RP1: variants seen among roughly 807,000 people sequenced by gnomAD.
RP1 encodes the protein RP1 axonemal microtubule associated, also known as oxygen-regulated protein 1.
A neutral mutation model predicts 14.8 loss-of-function variants in RP1; 16 were observed. The observed-to-expected ratio is 1.08, with a 90% CI of 0.73 to 1.65. The LOEUF (loss-of-function observed/expected upper bound fraction) is 1.65, where lower values mean the gene tolerates loss of function less well. Among genes scored for constraint, RP1 ranks in the 40% most tolerant of loss-of-function variants. The pLI, the probability that RP1 is intolerant of heterozygous loss-of-function variation, is 0.00. For missense variants in RP1, 2,631 were observed against 2,535.0 expected (o/e 1.04, Z -0.81); for synonymous variants, 876 against 883.6 (o/e 0.99, Z 0.15).
intron 3 of RP1, among the ~76,000 whole-genome samples, chr8:54,648,627 A>G (rs1023848948): frequency 3.9e-5 from 6 of 152,160 alleles, no homozygotes; most frequent in Admixed American, 1.3e-4. Flanking sequence ...CACATGTTAC[A>G]TGCCAGAGCT....
intron 28 of RP1, among the ~76,000 whole-genome samples, chr8:54,868,505 G>C (rs1177472064): frequency 6.6e-6 from 1 of 152,122 alleles, no homozygotes; most frequent in Non-Finnish European, 1.5e-5. Flanking sequence ...TTGACAGATG[G>C]GCAAACTGTG....
chr8:54,803,262 T>C (rs1382052768), intron 24 of RP1, among the ~76,000 whole-genome samples: 1 of 152,220 alleles, frequency 6.6e-6, no homozygotes, highest in Non-Finnish European at 1.5e-5. Flanking sequence ...TATGAACATG[T>C]TCCTCACTGT....
intron 26 of RP1, among the ~76,000 whole-genome samples, chr8:54,854,592 C>T (rs979409511): frequency 3.3e-5 from 5 of 152,144 alleles, no homozygotes; most frequent in African/African-American, 7.2e-5. Context: ...GGGCTGGGCA[C>T]AGTAGCTAAT....
intron 1 of RP1, among the ~76,000 whole-genome samples, chr8:54,583,164 G>A (rs1268968516): frequency 6.6e-6 from 1 of 152,190 alleles, no homozygotes; most frequent in Non-Finnish European, 1.5e-5. Flanking sequence ...ATTATTTTGA[G>A]ATACGTCCTA....
At chr8:54,652,293 T>C (rs1259698079) in intron 4 of RP1, among the ~76,000 whole-genome samples, 1 of 152,218 alleles carries the variant, frequency 6.6e-6, no homozygotes, top group East Asian at 1.9e-4. Context: ...TCAGTTTGCC[T>C]TATAATACTG....
rs756252290 is a variant in RP1, at chr8:54,627,870, G to A, written c.3988G>A (p.Asp1330Asn). ...TACCTATGAGGGAGCTTGCCCAATT[G>A]ATGAGACCTACGTTCCTGTCAATGT... ...NHTYEGACPI[D>N]ETYVPVNVCN... The change falls in exon 4 of 4, where the codon GAT becomes AAT. Residue 1330 changes from aspartate (D) to asparagine (N), a missense_variant. Coordinates refer to ENST00000220676, the MANE Select transcript of RP1 (RefSeq NM_006269.2). The A allele has an allele frequency of 6.2e-7, 1 of 1,614,120 alleles. No individual in the cohort carries two copies. The highest frequency in any genetic ancestry group is 1.1e-5 in the South Asian group (1 of 91,086).
intron 24 of RP1, among the ~76,000 whole-genome samples, chr8:54,804,221 A>G (rs997011093): frequency 6.6e-6 from 1 of 152,116 alleles, no homozygotes; most frequent in Non-Finnish European, 1.5e-5. Flanking sequence ...ACTCCGATTT[A>G]AAACATATAA....
intron 1 of RP1, among the ~76,000 whole-genome samples, chr8:54,571,579 C>G (rs911578178): frequency 2.0e-5 from 3 of 152,186 alleles, no homozygotes; most frequent in East Asian, 3.9e-4. Flanking sequence ...TAAGATCCAT[C>G]AGCTCAAGTC....
upstream of RP1, among the ~76,000 whole-genome samples, chr8:54,613,289 G>T (rs538884852): frequency 1.2e-4 from 19 of 152,250 alleles, no homozygotes; most frequent in Admixed American, 5.9e-4. Flanking sequence ...TCCATAAAAG[G>T]TATACAAAAT....
At chr8:54,566,923 G>A (rs943912075) in intron 1 of RP1, among the ~76,000 whole-genome samples, 1 of 152,164 alleles carries the variant, frequency 6.6e-6, no homozygotes, top group Non-Finnish European at 1.5e-5. Flanking sequence ...AAGGTGCGCT[G>A]TGTGGAGCCA....
chr8:54,560,821 C>T (rs1039104871), intron 1 of RP1: 1 of 151,822 alleles, frequency 6.6e-6, no homozygotes, highest in Non-Finnish European at 1.5e-5. Flanking sequence ...GTCATCCAAG[C>T]AGGAGACCCA....
Position 54,621,025 on chromosome 8 carries a change from A to C in RP1, c.59A>C (p.Gln20Pro), listed in dbSNP as rs1299320041. 1.9e-6 allele frequency: 3 copies of C among 1,614,026 alleles called. No homozygotes were observed. The East Asian group carries it at 6.7e-5, about 36-fold the overall frequency. The change falls in exon 2 of 4, where the codon CAA (glutamine) becomes CCA (proline). Residue 20 changes from glutamine to proline, a missense_variant. Gln to Pro is a moderately conservative substitution (Grantham distance 76). Coordinates refer to ENST00000220676, the MANE Select transcript of RP1 (RefSeq NM_006269.2). Reference sequence around the variant, plus strand: ...ATTCATCCTACGTCTTCTGAAGGTCAAGTTCCACCCCCTCGCCATTTGAGC... The same window carrying C: ...ATTCATCCTACGTCTTCTGAAGGTCCAGTTCCACCCCCTCGCCATTTGAGC... Reference protein sequence around the residue: ...SIIHPTSSEGQVPPPRHLSLT... With the variant: ...SIIHPTSSEGPVPPPRHLSLT...
At chr8:54,733,741 A>C (rs1808847352) in intron 17 of RP1, among the ~76,000 whole-genome samples, 1 of 152,210 alleles carries the variant, frequency 6.6e-6, no homozygotes, top group South Asian at 2.1e-4. Flanking sequence ...ATTAAAGTGC[A>C]TTTGGGGTAC....
In RP1 at chr8:54,625,676, T is replaced by G; in HGVS notation, c.1794T>G (p.Tyr598Ter). 2 of 1,614,140 alleles carry G rather than the reference T, an allele frequency of 1.2e-6. No homozygotes were observed. Among genetic ancestry groups the G allele is most frequent in the Non-Finnish European group, 1.7e-6 (2 of 1,180,004 alleles). The change falls in exon 4 of 4, where the codon TAT becomes TAG. Residue 598 changes from tyrosine (Y) to a stop codon, truncating the protein, a stop_gained. Coordinates refer to ENST00000220676, the MANE Select transcript of RP1 (RefSeq NM_006269.2). LOFTEE classifies it low-confidence loss of function (END_TRUNC). ...NKTGIKNFKT[Y>*]GNTNDRFSPI... ...CTGGTATCAAGAACTTCAAAACTTA[T>G]GGTAACACCAATGATAGGTTCAGTC...
chr8:54,644,979 G>A (rs539005092), intron 3 of RP1, among the ~76,000 whole-genome samples: 118 of 152,110 alleles, frequency 7.8e-4, no homozygotes, highest in African/African-American at 2.8e-3. Flanking sequence ...GTTGTATTGG[G>A]TTAAGAGCCT....
chr8:54,614,732 A>G (rs1805675194), upstream of RP1, among the ~76,000 whole-genome samples: 1 of 152,100 alleles, frequency 6.6e-6, no homozygotes, highest in South Asian at 2.1e-4. Flanking sequence ...ATCTTTCCTA[A>G]AAGTGCTCCA....
intron 24 of RP1, among the ~76,000 whole-genome samples, chr8:54,804,373 T>C (rs917695563): frequency 1.3e-5 from 2 of 152,192 alleles, no homozygotes; most frequent in Non-Finnish European, 2.9e-5. Flanking sequence ...AGGCCCACCA[T>C]TAAGGTTTGA....
At chr8:54,757,384 C>T (rs1264869187) in intron 21 of RP1, among the ~76,000 whole-genome samples, 1 of 152,216 alleles carries the variant, frequency 6.6e-6, no homozygotes, top group Non-Finnish European at 1.5e-5. Flanking sequence ...CTTTCCAGAC[C>T]TCAAAGTGTT....
chr8:54,656,052 AT>A (rs1806748427), intron 5 of RP1: 1 of 1,453,616 alleles, frequency 6.9e-7, no homozygotes, highest in African/African-American at 1.4e-5. Context: ...GCATTCCTAC[AT>A]TTTTAAAAGT....
Sources: gnomAD v4.1 joint callset for allele counts (sites outside exome capture counted in the v4.1 genomes callset) on GRCh38, gnomAD v4.1.1 for gene constraint, MANE v1.5 for transcripts, NCBI Gene and HGNC (gene_info 2026-07-23, HGNC 2026-07-21) for gene names.